Variants in TTLL5 observed in about 807,000 individuals in gnomAD.
The protein encoded by TTLL5 is tubulin polyglutamylase TTLL5.
Under a neutral mutation model 168.4 loss-of-function variants are expected in TTLL5, and 132 were observed. The observed-to-expected ratio is 0.78, with a 90% CI of 0.68 to 0.91. The LOEUF is 0.91. Ranked by LOEUF, TTLL5 falls within the 40% of genes least tolerant of loss-of-function variation. The pLI is 0.00. For synonymous variants in TTLL5, 546 were observed against 558.6 expected, an observed-to-expected ratio of 0.98 and a Z score of 0.32; for missense variants, 1,545 against 1,581.5, an observed-to-expected ratio of 0.98 and a Z score of 0.39.
At chr14:75,707,742 G>A in intron 9 of TTLL5, 35 bp downstream of exon 9, 1 of 1,523,658 alleles carries the variant, frequency 6.6e-7, no homozygotes, top group East Asian at 2.3e-5. Context: ...GGGTTGGGTG[G>A]GTATATTAAG....
In TTLL5 at chr14:75,719,814, A is replaced by G. The variant is rs745861072; in HGVS notation, c.922A>G (p.Arg308Gly). The change falls in exon 11 of 32, where the codon AGA becomes GGA. Residue 308 changes from arginine to glycine, a missense_variant. Arg to Gly is a moderately radical substitution (Grantham distance 125). Transcript: ENST00000298832. ...GCTTAGGTACCTGAAACAAGAAGGC[A>G]GAGATACAACCGGTGAGTACTGGGC... ...AMLRYLKQEG[R>G]DTTALMAHVE... 8 of 1,613,962 alleles carry G rather than the reference A, an allele frequency of 5.0e-6. No homozygotes were observed. The East Asian group carries it at 1.6e-4, about 31-fold the overall frequency.
At chr14:75,939,380 C>CTTCAT (rs1249014640) in intron 31 of TTLL5, among the ~76,000 whole-genome samples, 1 of 152,044 alleles carries the variant, frequency 6.6e-6, no homozygotes, top group African/African-American at 2.4e-5. Context: ...TCTAGAGTCC[C>CTTCAT]TTCATTTCAT....
At chr14:75,786,773 A>G (rs1374468129) in intron 26 of TTLL5, among the ~76,000 whole-genome samples, 1 of 152,224 alleles carries the variant, frequency 6.6e-6, no homozygotes, top group East Asian at 1.9e-4. Flanking sequence ...TGGATAAAAA[A>G]CATGCAGAAA....
In TTLL5 at chr14:75,721,573, A is replaced by G. The variant is rs185509311; in HGVS notation, c.1042+870A>G. ...AAGAATATGGGTTTTAGAGCCTAAC[A>G]GCCTTAGTTTGTAACCATGTATATC... On this transcript the variant is annotated intron_variant, in intron 12 of 31. Coordinates refer to ENST00000298832, the MANE Select transcript of TTLL5 (RefSeq NM_015072.5). 2.0e-5 allele frequency among the ~76,000 whole-genome samples: 3 copies of G among 152,302 alleles called. No homozygotes were observed. In the East Asian group the frequency reaches 5.8e-4, roughly 29 times the overall value.
chr14:75,723,332 C>A (rs915624349), intron 12 of TTLL5, among the ~76,000 whole-genome samples: 8 of 152,106 alleles, frequency 5.3e-5, no homozygotes, highest in African/African-American at 1.9e-4. Flanking sequence ...GCTTTAATTG[C>A]TTTTTGGTGG....
chr14:75,908,937 C>T (rs1396779940), intron 31 of TTLL5, among the ~76,000 whole-genome samples: 1 of 152,006 alleles, frequency 6.6e-6, no homozygotes, highest in Non-Finnish European at 1.5e-5. Context: ...CCACAATGCA[C>T]AGCTAATTTT....
intron 27 of TTLL5, among the ~76,000 whole-genome samples, chr14:75,812,310 T>C (rs1032021671): frequency 6.6e-6 from 1 of 152,132 alleles, no homozygotes; most frequent in African/African-American, 2.4e-5. Flanking sequence ...AGGTAGGATC[T>C]TGTGACCAGA....
chr14:75,662,053 G>GA (rs536003015), intron 1 of TTLL5, among the ~76,000 whole-genome samples: 1 of 151,922 alleles, frequency 6.6e-6, no homozygotes, highest in African/African-American at 2.4e-5. Context: ...TTTTACTTTA[G>GA]AAAAAATATT....
At chr14:75,866,075 A>C (rs1380213200) in intron 29 of TTLL5, among the ~76,000 whole-genome samples, 2 of 152,254 alleles carry the variant, frequency 1.3e-5, no homozygotes, top group African/African-American at 4.8e-5. Context: ...ATTAGCTTCA[A>C]GAGTTTATAA....
intron 31 of TTLL5, among the ~76,000 whole-genome samples, chr14:75,951,334 G>T (rs2034954851): frequency 6.6e-6 from 1 of 152,178 alleles, no homozygotes; most frequent in Non-Finnish European, 1.5e-5. Context: ...GGGTGACAGA[G>T]CAAGACAGTC....
At chr14:75,764,837 T>G in intron 19 of TTLL5, 65 bp downstream of exon 19, 1 of 1,570,020 alleles carries the variant, frequency 6.4e-7, no homozygotes, top group Non-Finnish European at 8.7e-7. Context: ...GTTAACCAGC[T>G]GCTTACTCAG....
Position 75,668,530 on chromosome 14 carries a change from C to T in TTLL5, c.75-886C>T, listed in dbSNP as rs376967015. ...TAATGAGGGTGAAGGTTTTTCTGAT[C>T]TGTGAGTAAATATTCATCAGCCTAA... On this transcript the variant is annotated intron_variant, in intron 2 of 31. Transcript: ENST00000298832. 1.7e-4 allele frequency among the ~76,000 whole-genome samples: 26 copies of T among 152,268 alleles called. No homozygotes were observed. The East Asian group carries it at 4.2e-3, about 25-fold the overall frequency.
chr14:75,733,390 G>A (rs1888667367), intron 13 of TTLL5, among the ~76,000 whole-genome samples: 2 of 152,270 alleles, frequency 1.3e-5, no homozygotes, highest in Admixed American at 6.5e-5. Flanking sequence ...CTTGCTTTTG[G>A]TCGATGTTGT....
rs755497945 is a variant in TTLL5 at position 75,733,975 on chromosome 14, C to T, written c.1125-14C>T. On this transcript the variant is annotated splice_polypyrimidine_tract_variant and intron_variant, in intron 13 of 31. Coordinates refer to ENST00000298832, the MANE Select transcript of TTLL5 (RefSeq NM_015072.5). Reference sequence around the variant, plus strand: ...ACACTTATCAATTGCTCTTTTCTTTCTCTGTTCTGTTAGTGATGCGCCTCT... The same window carrying T: ...ACACTTATCAATTGCTCTTTTCTTTTTCTGTTCTGTTAGTGATGCGCCTCT... 6.2e-7 allele frequency: 1 copy of T among 1,613,384 alleles called. No individual in the cohort carries two copies. Among genetic ancestry groups the T allele is most frequent in the East Asian group, 2.2e-5 (1 of 44,828 alleles).
intron 31 of TTLL5, among the ~76,000 whole-genome samples, chr14:75,925,845 T>C (rs1175281574): frequency 1.3e-5 from 2 of 151,974 alleles, no homozygotes; most frequent in Non-Finnish European, 2.9e-5. Context: ...GGTTAGGAGC[T>C]GGAGACCAGC....
At chr14:75,679,892 A>G (rs942557925) in intron 3 of TTLL5, among the ~76,000 whole-genome samples, 4 of 152,232 alleles carry the variant, frequency 2.6e-5, no homozygotes, top group African/African-American at 9.6e-5. Context: ...TTGACATTTT[A>G]AATGTTAATC....
At chr14:75,713,260 G>A (rs1289736693) in intron 9 of TTLL5, among the ~76,000 whole-genome samples, 1 of 152,184 alleles carries the variant, frequency 6.6e-6, no homozygotes, top group African/African-American at 2.4e-5. Context: ...ATAACACAAT[G>A]TATTACTTTT....
At position 75,870,558 on chromosome 14, in the gene TTLL5, A is replaced by G. The variant is rs945272584; in HGVS notation, c.3522+6696A>G. ...CATGCAGTATCCTGACGTTTGTTCTAGAGGTTTGGATAGTAGGAGCACTTG... is the reference window on the plus strand; with the variant it reads ...CATGCAGTATCCTGACGTTTGTTCTGGAGGTTTGGATAGTAGGAGCACTTG... On this transcript the variant is annotated intron_variant, in intron 29 of 31. Transcript: ENST00000298832. 2.0e-5 allele frequency among the ~76,000 whole-genome samples: 3 copies of G among 152,242 alleles called. No homozygotes were observed. The South Asian group carries it at 6.2e-4, about 32-fold the overall frequency.
intron 30 of TTLL5, among the ~76,000 whole-genome samples, chr14:75,900,184 G>T (rs1269081827): frequency 6.6e-6 from 1 of 152,148 alleles, no homozygotes. Context: ...AATGCGTGAG[G>T]ATTTCCGATG....
Sources: allele counts gnomAD v4.1 joint callset (sites outside exome capture counted in the v4.1 genomes callset), GRCh38; gene constraint gnomAD v4.1.1; transcripts MANE v1.5; gene names NCBI Gene and HGNC (gene_info 2026-07-23, HGNC 2026-07-21).